Variants in ANKRD16 observed in about 807,000 individuals in gnomAD.
ANKRD16 encodes the protein ankyrin repeat domain-containing protein 16.
A neutral mutation model predicts 37.9 loss-of-function variants in ANKRD16; 35 were observed. The ratio of observed to expected loss-of-function variants is 0.92; its 90% CI spans 0.71 to 1.23. The LOEUF (loss-of-function observed/expected upper bound fraction) is 1.23, where lower values mean the gene tolerates loss of function less well. Ranked by LOEUF, ANKRD16 falls within the 50% of genes most tolerant of loss-of-function variation. The pLI is 0.00. For synonymous variants in ANKRD16, 206 were observed against 197.2 expected, an observed-to-expected ratio of 1.04 and a Z score of -0.37; for missense variants, 480 against 469.9, an observed-to-expected ratio of 1.02 and a Z score of -0.20.
rs768671147 is a variant in ANKRD16 at position 5,862,574 on chromosome 10, G to A, written c.*151C>T. On this transcript the variant is annotated 3_prime_UTR_variant, in exon 8 of 8. Transcript: ENST00000380094. This position sits in a 1 kb window ranked among gnomAD's most constrained non-coding sequence, Gnocchi z 6.5. ...ACCTCAGATATACAACTTTGATCTC[G>A]CTGGGGTCAAACGTAGGTGGCTGCG... 7 of 1,283,356 alleles carry A rather than the reference G, an allele frequency of 5.5e-6. No individual in the cohort carries two copies. Among genetic ancestry groups the A allele is most frequent in the Admixed American group, 2.3e-5 (1 of 43,512 alleles). 79.5% of individuals were successfully genotyped at this position (1,283,356 alleles called of 1,614,324 possible). A position where few individuals can be genotyped will look rare whatever the true frequency, so the allele number is the denominator to read the frequency against.
chr10:5,889,275 T>C lies in ANKRD16; in HGVS notation c.80A>G (p.Gln27Arg), dbSNP rs1381372529. The C allele has an allele frequency of 6.9e-7, 1 of 1,448,312 alleles. No individual in the cohort carries two copies. Among genetic ancestry groups the C allele is most frequent in the East Asian group, 2.8e-5 (1 of 35,618 alleles). The allele number at this position is 1,448,312 out of a possible 1,614,324, so 89.7% of individuals were successfully genotyped here. A position where few individuals can be genotyped will look rare whatever the true frequency, so the allele number is the denominator to read the frequency against. Reference protein sequence around the residue: ...GRLRALKEELQAAGGCPGPAG... With the variant: ...GRLRALKEELRAAGGCPGPAG... ...CGGCCCCGGGCAGCCCCCGGCCGCC[T>C]GCAGCTCCTCCTTCAGGGCGCGCAG... The change falls in exon 1 of 8, where the codon CAG (glutamine) becomes CGG (arginine). Residue 27 changes from glutamine (Q) to arginine (R), a missense_variant. Coordinates refer to ENST00000380094, the MANE Select transcript of ANKRD16 (RefSeq NM_019046.3).
In ANKRD16 at chr10:5,878,141, CGCTATGGCCAGAGCCCT is replaced by C. The variant is rs1564416550; in HGVS notation, c.1058_1074del (p.Gln353ArgfsTer21). ...TCTTGGAAACATCCTTATGTCATTG[CGCTATGGCCAGAGCCCT>C]GAAGGACATCTGCTCTCCTTGGGAG... On this transcript the variant is annotated frameshift_variant, in exon 7 of 8. Transcript: ENST00000380094. LOFTEE classifies it high-confidence loss of function. This position sits in a 1 kb window ranked among gnomAD's most constrained non-coding sequence, Gnocchi z 5.1. 1.2e-6 allele frequency: 2 copies of C among 1,613,644 alleles called. No individual in the cohort carries two copies. The highest frequency in any genetic ancestry group is 1.7e-5 in the Admixed American group (1 of 59,900).
chr10:5,878,008 G>A lies in ANKRD16; in HGVS notation c.*33+89C>T. On this transcript the variant is annotated intron_variant, in intron 7 of 7. Coordinates refer to ENST00000380094, the MANE Select transcript of ANKRD16 (RefSeq NM_019046.3). This position sits in a 1 kb window ranked among gnomAD's most constrained non-coding sequence, Gnocchi z 5.1. ...GCAGGAGTGGAACATGCAGGATGAG[G>A]GAAGGGAGGAAGTGGAGGAGATGGA... 7.3e-7 allele frequency: 1 copy of A among 1,377,832 alleles called. No individual in the cohort carries two copies. The highest frequency in any genetic ancestry group is 9.9e-7 in the Non-Finnish European group (1 of 1,007,204). The allele number at this position is 1,377,832 out of a possible 1,614,324, so 85.4% of individuals were successfully genotyped here. A position where few individuals can be genotyped will look rare whatever the true frequency, so the allele number is the denominator to read the frequency against.
rs1022791290 is a variant in ANKRD16 at position 5,869,163 on chromosome 10, C to A, written c.*34-6472G>T. ...ACAATCATTCTTCTTCCAATGTGGC[C>A]CAAGGGAGACAAAAGATTAGATACC... is the stretch of plus-strand genomic sequence containing the variant. On this transcript the variant is annotated intron_variant, in intron 7 of 7. Transcript: ENST00000380094. The surrounding 1 kb of genome is among the most constrained non-coding windows in gnomAD (Gnocchi z 4.0). Among the ~76,000 whole-genome samples the A allele has an allele frequency of 4.0e-5, 6 of 151,866 alleles. No homozygotes were observed. Among genetic ancestry groups the A allele is most frequent in the African/African-American group, 1.5e-4 (6 of 41,292 alleles).
At chr10:5,879,400 G>A (rs1187681970) in intron 6 of ANKRD16, among the ~76,000 whole-genome samples, 2 of 151,910 alleles carry the variant, frequency 1.3e-5, no homozygotes, top group East Asian at 1.9e-4. Flanking sequence ...CCCAGGAGGT[G>A]GAGGTTGCAG....
Position 5,878,353 on chromosome 10 carries a change from T to A in ANKRD16, c.929-66A>T. 1 of 1,391,210 alleles carries A rather than the reference T, an allele frequency of 7.2e-7. No individual in the cohort carries two copies. Among genetic ancestry groups the A allele is most frequent in the Non-Finnish European group, 9.8e-7 (1 of 1,021,760 alleles). 86.2% of individuals were successfully genotyped at this position (1,391,210 alleles called of 1,614,324 possible). ...CCTGGAGCAATACTGACCTCATGAG[T>A]TGATAGTGCCCAATAAAAATATCAA... On this transcript the variant is annotated intron_variant, in intron 6 of 7. Transcript: ENST00000380094. This position sits in a 1 kb window ranked among gnomAD's most constrained non-coding sequence, Gnocchi z 5.1.
intron 5 of ANKRD16, among the ~76,000 whole-genome samples, chr10:5,882,307 G>T (rs1177420063): frequency 1.3e-5 from 2 of 151,908 alleles, no homozygotes; most frequent in Non-Finnish European, 2.9e-5. Flanking sequence ...ACTTTGGGAG[G>T]CCGAGGTGGG....
At chr10:5,885,324 G>A (rs938887149) in intron 3 of ANKRD16, among the ~76,000 whole-genome samples, 2 of 152,024 alleles carry the variant, frequency 1.3e-5, no homozygotes, top group Non-Finnish European at 2.9e-5. Flanking sequence ...GGGACTACAG[G>A]CGCCCGCCAC....
intron 2 of ANKRD16, among the ~76,000 whole-genome samples, chr10:5,887,529 G>A (rs1842444717): frequency 1.3e-5 from 2 of 152,080 alleles, no homozygotes; most frequent in Non-Finnish European, 2.9e-5. Flanking sequence ...ATTACAAGCA[G>A]CCGCCACCAC....
chr10:5,884,834 C>A (rs939228244), intron 3 of ANKRD16, among the ~76,000 whole-genome samples: 3 of 150,150 alleles, frequency 2.0e-5, no homozygotes, highest in Non-Finnish European at 3.0e-5. Context: ...TTCTAGGCGT[C>A]TTTTGTTTTC....
chr10:5,873,791 G>A (rs1044274656), intron 7 of ANKRD16, among the ~76,000 whole-genome samples: 5 of 151,672 alleles, frequency 3.3e-5, no homozygotes, highest in African/African-American at 1.2e-4. Flanking sequence ...TTTCCCTCTT[G>A]TCTTGTGTAT....
At chr10:5,882,455 CAAAACA>C (rs894883259) in intron 5 of ANKRD16, among the ~76,000 whole-genome samples, 2 of 126,174 alleles carry the variant, frequency 1.6e-5, no homozygotes, top group African/African-American at 6.2e-5. Flanking sequence ...GACTTTATCT[CAAAACA>C]AAAACAAAAA....
At position 5,868,835 on chromosome 10, in the gene ANKRD16, A is replaced by G. The variant is rs114834757; in HGVS notation, c.*34-6144T>C. Among the ~76,000 whole-genome samples the G allele has an allele frequency of 0.026, 3,968 of 152,272 alleles. 157 individuals carry two copies. Among genetic ancestry groups the G allele is most frequent in the African/African-American group, 0.09 (3,725 of 41,524 alleles). On this transcript the variant is annotated intron_variant, in intron 7 of 7. Coordinates refer to ENST00000380094, the MANE Select transcript of ANKRD16 (RefSeq NM_019046.3). The surrounding 1 kb of genome is among the most constrained non-coding windows in gnomAD (Gnocchi z 4.9). ...CCACCAGGAGGAACAAACAACTCTG[A>G]ATGTACCATCTTTAAGATCATAACA...
At position 5,883,994 on chromosome 10, in the gene ANKRD16, GC is replaced by G. The variant is rs1842367180; in HGVS notation, c.661del (p.Ala221LeufsTer46). The G allele has an allele frequency of 5.0e-6, 8 of 1,613,978 alleles. No individual in the cohort carries two copies. The highest frequency in any genetic ancestry group is 5.9e-6 in the Non-Finnish European group (7 of 1,180,004). ...DAIQCGHIDV[A>X]RLLLDEHGAC... ...CCCATGTTCATCGAGGAGCAGCCTA[GC>G]GACGTCGATGTGCCCACACTGGATT... is the stretch of plus-strand genomic sequence containing the variant. On this transcript the variant is annotated frameshift_variant, in exon 4 of 8. Transcript: ENST00000380094. LOFTEE classifies it high-confidence loss of function.
chr10:5,887,823 C>T (rs778832643), intron 2 of ANKRD16, 24 bp downstream of exon 2: 16 of 1,603,708 alleles, frequency 1.0e-5, no homozygotes, highest in Middle Eastern at 2.1e-4. Flanking sequence ...GTGTACTGCT[C>T]ACCTGCAGAG....
rs777256459 is a variant in ANKRD16 at position 5,887,839 on chromosome 10, G to A, written c.535+8C>T. The A allele has an allele frequency of 4.3e-6, 7 of 1,610,358 alleles. No homozygotes were observed. In the Admixed American group the frequency reaches 8.4e-5, roughly 19 times the overall value. On this transcript the variant is annotated splice_region_variant and intron_variant, in intron 2 of 7. Transcript: ENST00000380094. ...TGTACTGCTCACCTGCAGAGCTGTA[G>A]GCTGTACCTGCAGTATGCAGAGGAG...
chr10:5,878,833 C>A lies in ANKRD16; in HGVS notation c.929-546G>T, dbSNP rs1400344722. On this transcript the variant is annotated intron_variant, in intron 6 of 7. Transcript: ENST00000380094. This position sits in a 1 kb window ranked among gnomAD's most constrained non-coding sequence, Gnocchi z 5.1. ...GAAACTTATCTAAAGCAAGAAGCAA[C>A]AGAGCAAGTTAACAAGATATAGGAT... 6.6e-6 allele frequency among the ~76,000 whole-genome samples: 1 copy of A among 151,146 alleles called. No homozygotes were observed.
rs112628875 is a variant in ANKRD16, at chr10:5,865,729, A to T, written c.*34-3038T>A. ...TTATTAGGGAGGGACATATTAGCCA[A>T]AGCTGGAGCTATTATCTACATGAAT... On this transcript the variant is annotated intron_variant, in intron 7 of 7. Coordinates refer to ENST00000380094, the MANE Select transcript of ANKRD16 (RefSeq NM_019046.3). The surrounding 1 kb of genome is among the most constrained non-coding windows in gnomAD (Gnocchi z 4.7). Among the ~76,000 whole-genome samples, 16 of 152,304 alleles carry T rather than the reference A, an allele frequency of 1.1e-4. No homozygotes were observed. The highest frequency in any genetic ancestry group is 3.6e-4 in the African/African-American group (15 of 41,562).
intron 2 of ANKRD16, 144 bp downstream of exon 2, chr10:5,887,703 C>CCCCCCCCCCCCCCCCCCCA (rs1842457124): frequency 2.6e-5 from 4 of 153,058 alleles, no homozygotes; most frequent in African/African-American, 1.0e-4. Flanking sequence ...CCACCCCCTC[C>CCCCCCCCCCCCCCCCCCCA]CCCCCAGATG....
Sources: allele counts gnomAD v4.1 joint callset (sites outside exome capture counted in the v4.1 genomes callset), GRCh38; gene constraint gnomAD v4.1.1; non-coding constraint Gnocchi (gnomAD v3.1); transcripts MANE v1.5; gene names NCBI Gene and HGNC (gene_info 2026-07-23, HGNC 2026-07-21).